ARK2N: variants seen among roughly 807,000 people sequenced by gnomAD.
The protein encoded by ARK2N is protein ARK2N.
chr18:46,251,073 C>G, the ARK2N span, among the ~76,000 whole-genome samples: 1 of 152,186 alleles, frequency 6.6e-6, no homozygotes, highest in Non-Finnish European at 1.5e-5. Context: ...TAGCACTTAG[C>G]ACAGTGCATA....
the ARK2N span, chr18:46,216,813 T>A: frequency 2.0e-6 from 1 of 505,372 alleles, no homozygotes; most frequent in Non-Finnish European, 3.5e-6. This position sits in a 1 kb window ranked among gnomAD's most constrained non-coding sequence, Gnocchi z 4.3. Context: ...ATTAAAGGGT[T>A]AATGATAGGG....
the ARK2N span, among the ~76,000 whole-genome samples, chr18:46,259,885 C>CTG: frequency 3.7e-5 from 3 of 81,594 alleles, 1 homozygote; most frequent in Non-Finnish European, 7.6e-5. Context: ...ATCCTCCCGT[C>CTG]TGTGTGTGTG....
the ARK2N span, chr18:46,174,003 G>A: frequency 6.6e-6 from 1 of 152,248 alleles, no homozygotes; most frequent in Admixed American, 6.5e-5. Context: ...CTCTCTAGCC[G>A]GCCGACGCGG....
the ARK2N span, among the ~76,000 whole-genome samples, chr18:46,253,375 A>G: frequency 0.028 from 4,335 of 152,286 alleles, 192 homozygotes; most frequent in African/African-American, 0.098. Context: ...AGAGTTTGTT[A>G]TGGTTTAGGT....
chr18:46,204,412 T>C, the ARK2N span, among the ~76,000 whole-genome samples: 1 of 152,240 alleles, frequency 6.6e-6, no homozygotes, highest in South Asian at 2.1e-4. Flanking sequence ...TATAGCCTCT[T>C]GTGTGCAAAG....
the ARK2N span, among the ~76,000 whole-genome samples, chr18:46,211,393 A>G: frequency 6.6e-6 from 1 of 152,062 alleles, no homozygotes; most frequent in Non-Finnish European, 1.5e-5. Context: ...TTTTTTGTAG[A>G]GATGGGGTCT....
the ARK2N span, chr18:46,216,328 T>G: frequency 6.2e-7 from 1 of 1,613,968 alleles, no homozygotes; most frequent in East Asian, 2.2e-5. This position sits in a 1 kb window ranked among gnomAD's most constrained non-coding sequence, Gnocchi z 4.3. Context: ...AAGTGAAACT[T>G]CCACTATGGC....
the ARK2N span, chr18:46,253,681 TCC>T: frequency 6.2e-7 from 1 of 1,602,792 alleles, no homozygotes; most frequent in Non-Finnish European, 8.5e-7. Flanking sequence ...TTTTTTTTCC[TCC>T]CCTTCTCTCT....
At chr18:46,225,069 G>A in the ARK2N span, among the ~76,000 whole-genome samples, 1 of 152,220 alleles carries the variant, frequency 6.6e-6, no homozygotes, top group African/African-American at 2.4e-5. Flanking sequence ...TGCAGAGGCA[G>A]ACAGAGAAGT....
the ARK2N span, among the ~76,000 whole-genome samples, chr18:46,259,772 CTG>C: frequency 0.027 from 2,837 of 104,814 alleles, 75 homozygotes; most frequent in East Asian, 0.11. Context: ...CACCCAGCTA[CTG>C]TGTGTGTGTG....
the ARK2N span, among the ~76,000 whole-genome samples, chr18:46,180,668 A>G: frequency 6.6e-6 from 1 of 151,946 alleles, no homozygotes; most frequent in Non-Finnish European, 1.5e-5. Context: ...GTGCCATTGC[A>G]CTCCAGCCTG....
At chr18:46,231,762 GT>G in the ARK2N span, 3 of 139,712 alleles carry the variant, frequency 2.1e-5, no homozygotes, top group South Asian at 2.3e-4. Flanking sequence ...TTTGTTTTTT[GT>G]TTTTTTTTGA....
the ARK2N span, among the ~76,000 whole-genome samples, chr18:46,259,597 A>G: frequency 6.6e-6 from 1 of 150,870 alleles, no homozygotes; most frequent in Admixed American, 6.6e-5. Flanking sequence ...CGTAACTACT[A>G]TCTTGACTTA....
the ARK2N span, among the ~76,000 whole-genome samples, chr18:46,253,528 C>G: frequency 6.6e-6 from 1 of 152,258 alleles, no homozygotes; most frequent in South Asian, 2.1e-4. Flanking sequence ...ATTTTTTGAA[C>G]AAAGAACACT....
chr18:46,254,536 T>G, the ARK2N span, among the ~76,000 whole-genome samples: 1 of 152,162 alleles, frequency 6.6e-6, no homozygotes, highest in East Asian at 1.9e-4. Context: ...CCTTTTTAGG[T>G]GGCTGGTGGG....
the ARK2N span, among the ~76,000 whole-genome samples, chr18:46,198,697 C>T: frequency 6.6e-6 from 1 of 152,004 alleles, no homozygotes; most frequent in Non-Finnish European, 1.5e-5. Flanking sequence ...CTCCCGGGTT[C>T]AAGTGATTCT....
the ARK2N span, among the ~76,000 whole-genome samples, chr18:46,235,104 G>A: frequency 1.3e-5 from 2 of 152,214 alleles, no homozygotes; most frequent in Non-Finnish European, 1.5e-5. Flanking sequence ...AGTTCATAAT[G>A]AGAGAGTGAC....
At chr18:46,225,549 C>G in the ARK2N span, among the ~76,000 whole-genome samples, 1 of 152,126 alleles carries the variant, frequency 6.6e-6, no homozygotes, top group Non-Finnish European at 1.5e-5. Context: ...AACTCCGCCT[C>G]CTGGGTTCAA....
the ARK2N span, among the ~76,000 whole-genome samples, chr18:46,192,205 C>G: frequency 6.6e-6 from 1 of 152,052 alleles, no homozygotes; most frequent in Non-Finnish European, 1.5e-5. Context: ...TTGACTTTAC[C>G]AATTTATTGA....
Sources: gnomAD v4.1 joint callset for allele counts (sites outside exome capture counted in the v4.1 genomes callset) on GRCh38, gnomAD v4.1.1 for gene constraint, Gnocchi (gnomAD v3.1) non-coding constraint, MANE v1.5 for transcripts, NCBI Gene and HGNC (gene_info 2026-07-23, HGNC 2026-07-21) for gene names.